The following AOPEP variants were observed in gnomAD, a reference collection of about 807,000 sequenced individuals.
AOPEP encodes aminopeptidase O (putative).
AOPEP carries 77 observed loss-of-function variants against 98.1 expected under a neutral mutation model. The ratio of observed to expected loss-of-function variants is 0.78; its 90% CI spans 0.65 to 0.95. The LOEUF (loss-of-function observed/expected upper bound fraction) is 0.95, where lower values mean the gene tolerates loss of function less well. Among genes scored for constraint, AOPEP ranks in the 40% least tolerant of loss-of-function variants. The probability of loss-of-function intolerance (pLI) is 0.00; values close to 1 mark genes in which losing one functional copy is unlikely to be tolerated. For missense variants in AOPEP, 1,024 were observed against 1,024.7 expected (o/e 1.00, Z 0.01); for synonymous variants, 346 against 365.3 (o/e 0.95, Z 0.60).
intron 3 of AOPEP, among the ~76,000 whole-genome samples, chr9:94,779,750 ATG>A (rs1294931265): frequency 6.6e-6 from 1 of 152,080 alleles, no homozygotes; most frequent in Non-Finnish European, 1.5e-5. Context: ...CAATATGAAT[ATG>A]GTGCTGACGG....
the AOPEP span, chr9:95,111,690 TG>T: frequency 6.2e-7 from 1 of 1,611,378 alleles, no homozygotes; most frequent in South Asian, 1.1e-5. Context: ...CTTCTTCCTT[TG>T]GGTTTTTAAA....
At chr9:94,754,597 G>T (rs968362799) in intron 1 of AOPEP, among the ~76,000 whole-genome samples, 1 of 152,188 alleles carries the variant, frequency 6.6e-6, no homozygotes, top group Non-Finnish European at 1.5e-5. Flanking sequence ...AATCCCTGTT[G>T]TATAAGTAAC....
At chr9:95,090,515 C>A (rs1161338290), downstream of AOPEP, among the ~76,000 whole-genome samples, 1 of 152,144 alleles carries the variant, frequency 6.6e-6, no homozygotes, top group Non-Finnish European at 1.5e-5. Flanking sequence ...GTAGCCAGGG[C>A]ATCTGAGGGT....
At position 94,935,559 on chromosome 9, in the gene AOPEP, C is replaced by T. The variant is rs115565410; in HGVS notation, c.1661+7028C>T. ...GCAGTGGACCCCCAGGGTGCATGTA[C>T]CCCTGCACTTGTCTCATTGGTTGGA... On this transcript the variant is annotated intron_variant, in intron 7 of 16. Transcript: ENST00000375315. 6.6e-3 allele frequency among the ~76,000 whole-genome samples: 1,001 copies of T among 152,218 alleles called. 17 individuals carry two copies. Among genetic ancestry groups the T allele is most frequent in the African/African-American group, 0.023 (960 of 41,514 alleles).
chr9:94,890,424 A>G (rs774758278), intron 5 of AOPEP, among the ~76,000 whole-genome samples: 2 of 151,964 alleles, frequency 1.3e-5, no homozygotes, highest in Non-Finnish European at 2.9e-5. Context: ...CAGCCTCCCA[A>G]AGTGCTGGGA....
chr9:95,118,716 A>G, the AOPEP span, among the ~76,000 whole-genome samples: 2 of 152,230 alleles, frequency 1.3e-5, no homozygotes, highest in African/African-American at 4.8e-5. Context: ...TTTCTTAAAG[A>G]TTAAGCCACG....
chr9:95,035,852 G>T (rs759890980), intron 13 of AOPEP, among the ~76,000 whole-genome samples: 1 of 151,482 alleles, frequency 6.6e-6, no homozygotes, highest in Non-Finnish European at 1.5e-5. Context: ...AGAAATTGCT[G>T]TGTGGCCTTA....
intron 7 of AOPEP, among the ~76,000 whole-genome samples, chr9:94,942,038 T>C (rs982928516): frequency 2.6e-5 from 4 of 152,362 alleles, no homozygotes; most frequent in African/African-American, 9.6e-5. Context: ...TAAGTATACA[T>C]GCATACTTCC....
rs955168010 is a variant in AOPEP, at chr9:94,772,402, G to A, written c.798-600G>A. 3.9e-5 allele frequency among the ~76,000 whole-genome samples: 6 copies of A among 152,160 alleles called. No homozygotes were observed. The East Asian group carries it at 7.7e-4, about 20-fold the overall frequency. On this transcript the variant is annotated intron_variant, in intron 2 of 16. Coordinates refer to ENST00000375315, the MANE Select transcript of AOPEP (RefSeq NM_001193329.3). ...CATGGTGACTTGGTAACGACTCTGC[G>A]CCCTTGGCTTTCCCATCACAAGCCT...
At chr9:95,101,004 G>A in the AOPEP span, 1 of 233,444 alleles carries the variant, frequency 4.3e-6, no homozygotes, top group Non-Finnish European at 8.5e-6. Context: ...AATTAATCCT[G>A]CCTTCTAATG....
intron 5 of AOPEP, among the ~76,000 whole-genome samples, chr9:94,899,172 T>C (rs1415399021): frequency 1.4e-5 from 2 of 139,932 alleles, no homozygotes; most frequent in African/African-American, 2.6e-5. Flanking sequence ...ATTTGCCTCT[T>C]CATTTGCTTT....
At chr9:95,118,759 T>C in the AOPEP span, among the ~76,000 whole-genome samples, 1 of 152,260 alleles carries the variant, frequency 6.6e-6, no homozygotes, top group African/African-American at 2.4e-5. Context: ...TCTGTTTTTA[T>C]TGCTCAGAAG....
chr9:94,873,730 AAG>A (rs2046601769), intron 5 of AOPEP, among the ~76,000 whole-genome samples: 1 of 152,222 alleles, frequency 6.6e-6, no homozygotes, highest in African/African-American at 2.4e-5. Flanking sequence ...TGATTGAACA[AAG>A]AGTGACCGAA....
intron 3 of AOPEP, among the ~76,000 whole-genome samples, chr9:94,791,387 G>C (rs1845676907): frequency 6.6e-6 from 1 of 151,994 alleles, no homozygotes; most frequent in South Asian, 2.1e-4. Context: ...TACCTATCAG[G>C]CTGGGCACAG....
At chr9:95,050,430 T>C (rs2133776598) in intron 13 of AOPEP, among the ~76,000 whole-genome samples, 1 of 152,338 alleles carries the variant, frequency 6.6e-6, no homozygotes, top group Admixed American at 6.5e-5. Context: ...GTGTAAACTG[T>C]GTGGACGAGA....
intron 14 of AOPEP, among the ~76,000 whole-genome samples, chr9:95,067,151 C>G (rs986841789): frequency 1.3e-5 from 2 of 152,054 alleles, no homozygotes; most frequent in Non-Finnish European, 2.9e-5. Flanking sequence ...CTGTGGCACA[C>G]CAGGATGTGA....
chr9:94,978,971 C>T (rs982720675), intron 10 of AOPEP, among the ~76,000 whole-genome samples: 3 of 152,076 alleles, frequency 2.0e-5, no homozygotes, highest in African/African-American at 4.8e-5. Flanking sequence ...GTGCAGATTT[C>T]GTGTTGACGC....
At chr9:94,879,816 T>G (rs960280080) in intron 5 of AOPEP, among the ~76,000 whole-genome samples, 1 of 152,240 alleles carries the variant, frequency 6.6e-6, no homozygotes, top group African/African-American at 2.4e-5. Flanking sequence ...GTAACCCATT[T>G]TAGCAGTTTT....
At chr9:95,007,576 C>T (rs1426444316) in intron 13 of AOPEP, among the ~76,000 whole-genome samples, 2 of 152,154 alleles carry the variant, frequency 1.3e-5, no homozygotes, top group Non-Finnish European at 2.9e-5. Flanking sequence ...ACATTCAGAA[C>T]TTCCTTTCAT....
Sources: gnomAD v4.1 joint callset for allele counts (sites outside exome capture counted in the v4.1 genomes callset) on GRCh38, gnomAD v4.1.1 for gene constraint, MANE v1.5 for transcripts, NCBI Gene and HGNC (gene_info 2026-07-23, HGNC 2026-07-21) for gene names.